Variants in RBM25 observed in about 807,000 individuals in gnomAD.
RBM25 encodes RNA-binding protein 25.
Under a neutral mutation model 120.7 loss-of-function variants are expected in RBM25, and 19 were observed. The observed-to-expected ratio is 0.16, with a 90% CI of 0.11 to 0.23. The LOEUF is 0.23. RBM25 is among the 10% of genes least tolerant of loss of function. The pLI is 1.00. For missense variants in RBM25, 605 were observed against 1,041.5 expected (o/e 0.58, Z 5.77); for synonymous variants, 390 against 326.7 (o/e 1.19, Z -2.09).
intron 6 of RBM25, among the ~76,000 whole-genome samples, chr14:73,089,665 T>TTTTGTTTGTTTGTTTGTTTGTTTG (rs75923211): frequency 0.011 from 1,559 of 145,592 alleles, 24 homozygotes; most frequent in African/African-American, 0.036. Context: ...AAATGTAGGG[T>TTTTGTTTGTTTGTTTGTTTGTTTG]TTTGTTTGTT....
chr14:73,077,035 T>G (rs1048819501), intron 3 of RBM25, among the ~76,000 whole-genome samples: 1 of 152,200 alleles, frequency 6.6e-6, no homozygotes, highest in African/African-American at 2.4e-5. Flanking sequence ...GAGCCGAGAT[T>G]ATGCCACTGC....
intron 1 of RBM25, among the ~76,000 whole-genome samples, chr14:73,066,514 TGTG>T (rs1895138051): frequency 6.6e-6 from 1 of 151,864 alleles, no homozygotes; most frequent in Non-Finnish European, 1.5e-5. Context: ...GTGCGTGCCT[TGTG>T]GTGTGCACCT....
intron 3 of RBM25, among the ~76,000 whole-genome samples, chr14:73,076,793 C>G (rs1178398897): frequency 6.6e-6 from 1 of 152,170 alleles, no homozygotes; most frequent in African/African-American, 2.4e-5. Context: ...TACATGTTTC[C>G]TCCTACCTTC....
At chr14:73,075,585 T>G (rs1397296371) in intron 2 of RBM25, among the ~76,000 whole-genome samples, 2 of 152,230 alleles carry the variant, frequency 1.3e-5, no homozygotes, top group Non-Finnish European at 2.9e-5. Context: ...TGACAAAATT[T>G]TATATGTTTA....
At chr14:73,119,594 A>G (rs949833759) in intron 18 of RBM25, 119 bp from the exon 19 acceptor site, 2 of 1,527,204 alleles carry the variant, frequency 1.3e-6, no homozygotes, top group East Asian at 2.3e-5. Flanking sequence ...CTTAACTAGC[A>G]TTTAAGTAAT....
Position 73,103,253 on chromosome 14 carries a change from GAGAA to G in RBM25, c.933_936del (p.Glu313GlyfsTer183), listed in dbSNP as rs1251399381. 1 of 1,601,770 alleles carries G rather than the reference GAGAA, an allele frequency of 6.2e-7. No individual in the cohort carries two copies. The highest frequency in any genetic ancestry group is 8.5e-7 in the Non-Finnish European group (1 of 1,173,214). On this transcript the variant is annotated frameshift_variant, in exon 10 of 19. Coordinates refer to ENST00000261973, the MANE Select transcript of RBM25 (RefSeq NM_021239.3). LOFTEE classifies it high-confidence loss of function. ...AGACAGGAAATTGAGAAAGAACGGAGAGAAAGAGAGAGGGAGCGTGAAAGGGAAC... is the reference window on the plus strand; with the variant it reads ...AGACAGGAAATTGAGAAAGAACGGAGAGAGAGAGGGAGCGTGAAAGGGAAC...
At chr14:73,062,840 T>C (rs1310995291) in intron 1 of RBM25, among the ~76,000 whole-genome samples, 1 of 151,258 alleles carries the variant, frequency 6.6e-6, no homozygotes, top group African/African-American at 2.4e-5. Context: ...TATTTAATTT[T>C]TGGGGGGCCT....
intron 1 of RBM25, among the ~76,000 whole-genome samples, chr14:73,063,340 G>A (rs573268235): frequency 1.3e-5 from 2 of 150,882 alleles, no homozygotes; most frequent in Admixed American, 6.6e-5. Context: ...TAGTAGAGAC[G>A]AGATTTCACT....
intron 18 of RBM25, 101 bp from the exon 19 acceptor site, chr14:73,119,612 T>G: frequency 6.4e-7 from 1 of 1,564,650 alleles, no homozygotes; most frequent in Admixed American, 2.0e-5. Context: ...AATAAGTGCT[T>G]ATTGTCAGTG....
chr14:73,115,824 A>T (rs1240551721), intron 18 of RBM25, among the ~76,000 whole-genome samples: 1 of 152,232 alleles, frequency 6.6e-6, no homozygotes, highest in Non-Finnish European at 1.5e-5. Flanking sequence ...GTAATAAAAC[A>T]ACTGAAAGGA....
intron 17 of RBM25, among the ~76,000 whole-genome samples, chr14:73,112,761 TGTTA>T (rs1351411047): frequency 6.6e-6 from 1 of 152,030 alleles, no homozygotes; most frequent in Non-Finnish European, 1.5e-5. Flanking sequence ...GCAGGTATTG[TGTTA>T]GTTTTGTTTG....
At chr14:73,074,702 AT>A (rs147897408) in intron 2 of RBM25, among the ~76,000 whole-genome samples, 51 of 147,032 alleles carry the variant, frequency 3.5e-4, no homozygotes, top group South Asian at 4.3e-4. Flanking sequence ...AATTTCTTTG[AT>A]TTTTTTTTTT....
chr14:73,074,554 G>A (rs904292529), intron 2 of RBM25, among the ~76,000 whole-genome samples: 1 of 152,050 alleles, frequency 6.6e-6, no homozygotes. Context: ...GACAACATAG[G>A]GAAGAAAGAC....
intron 1 of RBM25, among the ~76,000 whole-genome samples, chr14:73,061,219 G>A (rs1894998371): frequency 6.6e-6 from 1 of 150,994 alleles, no homozygotes; most frequent in Non-Finnish European, 1.5e-5. Flanking sequence ...CACCATGCCT[G>A]GCTAATTTTT....
intron 5 of RBM25, among the ~76,000 whole-genome samples, chr14:73,084,853 A>G (rs1895647481): frequency 7.0e-6 from 1 of 142,460 alleles, no homozygotes; most frequent in African/African-American, 2.6e-5. Flanking sequence ...CCTGGCCGCT[A>G]TTTTTTTTTT....
chr14:73,067,842 A>G (rs1158657074), intron 1 of RBM25, among the ~76,000 whole-genome samples: 1 of 150,582 alleles, frequency 6.6e-6, no homozygotes, highest in Non-Finnish European at 1.5e-5. Context: ...CTCGTGATCC[A>G]CCCGCTTCGG....
chr14:73,076,062 C>A (rs1895413649), intron 2 of RBM25, among the ~76,000 whole-genome samples: 1 of 152,164 alleles, frequency 6.6e-6, no homozygotes, highest in Non-Finnish European at 1.5e-5. Flanking sequence ...GGATAACTAT[C>A]CAGGATTTTA....
At chr14:73,107,468 A>G (rs868733767) in intron 12 of RBM25, 4 of 172,004 alleles carry the variant, frequency 2.3e-5, no homozygotes, top group Middle Eastern at 2.5e-3. Flanking sequence ...CATTTTATGT[A>G]CAACTGTAGA....
At chr14:73,112,030 T>C in intron 16 of RBM25, 122 bp from the exon 17 acceptor site, 2 of 1,076,558 alleles carry the variant, frequency 1.9e-6, no homozygotes, top group Non-Finnish European at 2.7e-6. Flanking sequence ...TTGATACATA[T>C]CTGTCTTAGT....
Sources: gnomAD v4.1 joint callset for allele counts (sites outside exome capture counted in the v4.1 genomes callset) on GRCh38, gnomAD v4.1.1 for gene constraint, MANE v1.5 for transcripts, NCBI Gene and HGNC (gene_info 2026-07-23, HGNC 2026-07-21) for gene names.